OTUD4: variants seen among roughly 807,000 people sequenced by gnomAD.
OTUD4 encodes OTU deubiquitinase 4, also known as OTU domain-containing protein 4.
Under a neutral mutation model 130.4 loss-of-function variants are expected in OTUD4, and 24 were observed. That is an observed-to-expected ratio of 0.18 (90% CI 0.13 to 0.26). The LOEUF is 0.26. Ranked by LOEUF, OTUD4 falls within the 10% of genes least tolerant of loss-of-function variation. The pLI is 1.00. For missense variants in OTUD4, 1,031 were observed against 1,329.4 expected, an observed-to-expected ratio of 0.78 and a Z score of 3.49; for synonymous variants, 420 against 472.5, an observed-to-expected ratio of 0.89 and a Z score of 1.44.
chr4:145,143,035 T>C (rs1251018133), intron 17 of OTUD4, among the ~76,000 whole-genome samples: 1 of 152,200 alleles, frequency 6.6e-6, no homozygotes, highest in African/African-American at 2.4e-5. Context: ...TCAGTTTCCC[T>C]TCAAAAATCT....
intron 7 of OTUD4, among the ~76,000 whole-genome samples, chr4:145,157,808 C>T (rs1579267419): frequency 6.6e-6 from 1 of 152,132 alleles, no homozygotes; most frequent in Admixed American, 6.5e-5. Flanking sequence ...TTCTTACACA[C>T]CTGCTCTACC....
intron 17 of OTUD4, 46 bp from the exon 18 acceptor site, chr4:145,142,380 T>A (rs778585309): frequency 6.3e-7 from 1 of 1,585,100 alleles, no homozygotes; most frequent in South Asian, 1.1e-5. Flanking sequence ...AGACAAGAGG[T>A]CATTTTGCTT....
At chr4:145,144,619 A>C (rs1750734592) in intron 14 of OTUD4, among the ~76,000 whole-genome samples, 185 bp from the exon 15 acceptor site, 1 of 152,206 alleles carries the variant, frequency 6.6e-6, no homozygotes, top group Non-Finnish European at 1.5e-5. Context: ...CTAGAATAAT[A>C]GTCTTATCGC....
In OTUD4 at chr4:145,180,513, G is replaced by C. The variant is rs1050659769; in HGVS notation, c.-540C>G. 3.3e-5 allele frequency among the ~76,000 whole-genome samples: 5 copies of C among 152,246 alleles called. No individual in the cohort carries two copies. The highest frequency in any genetic ancestry group is 2.6e-4 in the Admixed American group (4 of 15,290). ...GGCGCCGGAGGGGCAGGGAGCGGGT[G>C]GGGGCGCCCGGGAGAGAACAGCACC... On this transcript the variant is annotated 5_prime_UTR_variant, in exon 1 of 21. Coordinates refer to ENST00000447906, the MANE Select transcript of OTUD4 (RefSeq NM_001366057.1).
rs185244473 is a variant in OTUD4 at position 145,137,012 on chromosome 4, T to G, written c.*418A>C. 6.9e-4 allele frequency: 107 copies of G among 156,070 alleles called. No individual in the cohort carries two copies. The highest frequency in any genetic ancestry group is 8.5e-5 in the Non-Finnish European group (6 of 70,350). 9.7% of individuals were successfully genotyped at this position (156,070 alleles called of 1,614,324 possible). A position where few individuals can be genotyped will look rare whatever the true frequency, so the allele number is the denominator to read the frequency against. On this transcript the variant is annotated 3_prime_UTR_variant, in exon 21 of 21. Coordinates refer to ENST00000447906, the MANE Select transcript of OTUD4 (RefSeq NM_001366057.1). ...GGTGCAACGTTATGTTTGGAATCTA[T>G]AGTGTGTCAAATGGTATATTTTCTT...
chr4:145,154,738 G>A (rs575570649), intron 10 of OTUD4, among the ~76,000 whole-genome samples: 27 of 150,926 alleles, frequency 1.8e-4, no homozygotes, highest in African/African-American at 5.8e-4. Context: ...ATTGTAGAAT[G>A]TTTGGCCACA....
intron 10 of OTUD4, among the ~76,000 whole-genome samples, chr4:145,153,665 C>T (rs981172915): frequency 5.9e-5 from 9 of 152,138 alleles, no homozygotes; most frequent in African/African-American, 1.9e-4. Context: ...AGTAAATAAG[C>T]CTAAGTTTTC....
At chr4:145,141,082 T>C (rs1469796063) in intron 19 of OTUD4, among the ~76,000 whole-genome samples, 4 of 151,226 alleles carry the variant, frequency 2.6e-5, no homozygotes, top group East Asian at 2.0e-4. Flanking sequence ...AGTGGGAGAA[T>C]TGTTTGAATC....
intron 8 of OTUD4, 56 bp downstream of exon 8, chr4:145,155,880 G>T: frequency 1.5e-6 from 2 of 1,375,036 alleles, no homozygotes; most frequent in Non-Finnish European, 2.0e-6. Context: ...AGATTTTAAT[G>T]TACATGCTTT....
At position 145,150,606 on chromosome 4, in the gene OTUD4, T is replaced by G. The variant is rs368957578; in HGVS notation, c.1166A>C (p.Gln389Pro). 2 of 1,613,692 alleles carry G rather than the reference T, an allele frequency of 1.2e-6. No homozygotes were observed. The highest frequency in any genetic ancestry group is 2.7e-5 in the African/African-American group (2 of 75,046). The change falls in exon 13 of 21, where the codon CAA (glutamine) becomes CCA (proline). Residue 389 changes from glutamine (Q) to proline (P), a missense_variant. Around this residue, in one of 3 missense-constraint regions of OTUD4, gnomAD observed 900 missense variants for 1,095.9 expected, o/e 0.82. Transcript: ENST00000447906. ...TGAAGAATGACTAGAGAACGCATGT[T>G]GTCTTACTCCTGAAGGATGCTGCAG... The part of the protein sequence containing the change: ...PRLQHPSGVR[Q>P]HAFSSHSSGS...
At chr4:145,169,142 G>A (rs553860827) in intron 3 of OTUD4, among the ~76,000 whole-genome samples, 3 of 152,194 alleles carry the variant, frequency 2.0e-5, no homozygotes, top group Non-Finnish European at 4.4e-5. Context: ...AGGCGGAAGA[G>A]GATTAACTGC....
Position 145,165,170 on chromosome 4 carries a change from C to T in OTUD4, c.322G>A (p.Ala108Thr). 2 of 1,606,880 alleles carry T rather than the reference C, an allele frequency of 1.2e-6. No homozygotes were observed. Among genetic ancestry groups the T allele is most frequent in the South Asian group, 1.1e-5 (1 of 90,570 alleles). The change falls in exon 4 of 21, where the codon GCC (alanine) becomes ACC (threonine). Residue 108 changes from alanine (A) to threonine (T), a missense_variant. Ala to Thr is a moderately conservative substitution (Grantham distance 58). Coordinates refer to ENST00000447906, the MANE Select transcript of OTUD4 (RefSeq NM_001366057.1). ...GTTTACCTGTACATAAGAGAAAGGGCACTTATTTCCACTTGTCCTACCCAT... is the reference window on the plus strand; with the variant it reads ...GTTTACCTGTACATAAGAGAAAGGGTACTTATTTCCACTTGTCCTACCCAT... ...QEWVGQVEIS[A>T]LSLMYRKDFI...
At chr4:145,179,790 G>T in intron 1 of OTUD4, 25 bp downstream of exon 1, 3 of 703,088 alleles carry the variant, frequency 4.3e-6, no homozygotes, top group Non-Finnish European at 5.8e-6. Context: ...TCCCCTCGAA[G>T]CCCTCCCCGC....
At position 145,137,675 on chromosome 4, in the gene OTUD4, A is replaced by C; in HGVS notation, c.3100T>G (p.Leu1034Val). ...SEDENEVSNI[L>V]RSGRSKQFYN... is the part of the protein sequence containing the mutation. ...AACTGCTTGGATCTACCACTTCTCA[A>C]AATATTAGACACTTCATTTTCATCT... Residue 1034 changes from leucine to valine, a missense_variant, in exon 21 of 21, where the codon TTG (leucine) becomes GTG (valine). Physicochemically the swap from Leu to Val is conservative, Grantham distance 32. Coordinates refer to ENST00000447906, the MANE Select transcript of OTUD4 (RefSeq NM_001366057.1). 1.2e-6 allele frequency: 2 copies of C among 1,613,702 alleles called. No homozygotes were observed. Among genetic ancestry groups the C allele is most frequent in the African/African-American group, 2.7e-5 (2 of 74,874 alleles).
chr4:145,162,970 A>G (rs1313834456), intron 5 of OTUD4, among the ~76,000 whole-genome samples: 1 of 152,230 alleles, frequency 6.6e-6, no homozygotes, highest in Non-Finnish European at 1.5e-5. Flanking sequence ...AAAAATAAAA[A>G]TAATATATGA....
chr4:145,172,750 G>A lies in OTUD4; in HGVS notation c.244-1030C>T, dbSNP rs144453222. Among the ~76,000 whole-genome samples, 994 of 151,274 alleles carry A rather than the reference G, an allele frequency of 6.6e-3. 10 individuals carry two copies. The highest frequency in any genetic ancestry group is 0.02 in the African/African-American group (844 of 41,180). On this transcript the variant is annotated intron_variant, in intron 2 of 20. Transcript: ENST00000447906. ...AATTGCCAAAAATATCTTAAATTTC[G>A]AAAGATATTTATAATAAAAGAGCCA...
At chr4:145,176,654 G>C (rs1468099576) in intron 1 of OTUD4, among the ~76,000 whole-genome samples, 5 of 152,080 alleles carry the variant, frequency 3.3e-5, no homozygotes, top group Admixed American at 3.3e-4. Flanking sequence ...AGCCGAGATC[G>C]TGCCAGGGCA....
rs1750261565 is a variant in OTUD4 at position 145,136,453 on chromosome 4, A to G, written c.*977T>C. On this transcript the variant is annotated 3_prime_UTR_variant, in exon 21 of 21. Coordinates refer to ENST00000447906, the MANE Select transcript of OTUD4 (RefSeq NM_001366057.1). ...AAGTGTAAAGTGAAAGTGATACACAACCAATGGTGCGGGGGGGGGGGGGAG... is the reference window on the plus strand; with the variant it reads ...AAGTGTAAAGTGAAAGTGATACACAGCCAATGGTGCGGGGGGGGGGGGGAG... 7.8e-5 allele frequency: 1 copy of G among 12,832 alleles called. No homozygotes were observed. Among genetic ancestry groups the G allele is most frequent in the African/African-American group, 1.6e-4 (1 of 6,154 alleles). The allele number at this position is 12,832 out of a possible 1,614,324, so 0.8% of individuals were successfully genotyped here. A position where few individuals can be genotyped will look rare whatever the true frequency, so the allele number is the denominator to read the frequency against.
At chr4:145,167,870 A>G (rs887574408) in intron 3 of OTUD4, among the ~76,000 whole-genome samples, 4 of 152,120 alleles carry the variant, frequency 2.6e-5, no homozygotes, top group Non-Finnish European at 5.9e-5. Flanking sequence ...AAAAAAAATT[A>G]AAAATGAAAA....
Sources: gnomAD v4.1 joint callset for allele counts (sites outside exome capture counted in the v4.1 genomes callset) on GRCh38, gnomAD v4.1.1 for gene constraint, gnomAD v4.1.1 regional missense constraint, MANE v1.5 for transcripts, NCBI Gene and HGNC (gene_info 2026-07-23, HGNC 2026-07-21) for gene names.